Variants in BBS9 observed in about 807,000 individuals in gnomAD.
The protein encoded by BBS9 is Bardet-Biedl syndrome 9.
A neutral mutation model predicts 117.7 loss-of-function variants in BBS9; 89 were observed. That is an observed-to-expected ratio of 0.76 (90% CI 0.64 to 0.90). The LOEUF (loss-of-function observed/expected upper bound fraction) is 0.90. Among genes scored for constraint, BBS9 ranks in the 40% least tolerant of loss-of-function variants. The pLI, the probability that BBS9 is intolerant of heterozygous loss-of-function variation, is 0.00. For synonymous variants in BBS9, 379 were observed against 370.9 expected (o/e 1.02, Z -0.25); for missense variants, 982 against 1,042.2 (o/e 0.94, Z 0.80).
chr7:33,173,812 A>G (rs528352606), intron 4 of BBS9, among the ~76,000 whole-genome samples: 2 of 152,172 alleles, frequency 1.3e-5, no homozygotes, highest in Non-Finnish European at 2.9e-5. Context: ...TCAGTTCTTC[A>G]GAAACTAAGG....
chr7:33,403,628 C>T (rs1300204357), intron 19 of BBS9, among the ~76,000 whole-genome samples: 1 of 151,708 alleles, frequency 6.6e-6, no homozygotes, highest in East Asian at 1.9e-4. Flanking sequence ...ATCCATGTCC[C>T]TACAAAGGAC....
chr7:33,445,108 C>T (rs951749377), intron 19 of BBS9, among the ~76,000 whole-genome samples: 3 of 152,104 alleles, frequency 2.0e-5, no homozygotes, highest in African/African-American at 7.2e-5. Flanking sequence ...TAAGTTACAT[C>T]CCTAGGTCAC....
chr7:33,403,934 A>G (rs1322345053), intron 19 of BBS9, among the ~76,000 whole-genome samples: 20 of 152,158 alleles, frequency 1.3e-4, no homozygotes. Flanking sequence ...TCCCACCAAC[A>G]GTGTAAAAGT....
intron 21 of BBS9, among the ~76,000 whole-genome samples, chr7:33,547,752 A>G (rs1180797989): frequency 1.3e-5 from 2 of 152,226 alleles, no homozygotes; most frequent in Non-Finnish European, 2.9e-5. Context: ...TTTCACTTTC[A>G]TAGTTCTTTT....
At chr7:33,154,881 G>A (rs1304830920) in intron 3 of BBS9, among the ~76,000 whole-genome samples, 4 of 152,176 alleles carry the variant, frequency 2.6e-5, no homozygotes, top group African/African-American at 9.7e-5. Flanking sequence ...TGGGGCTCTG[G>A]CCCCAAGCCC....
rs572858157 is a variant in BBS9, at chr7:33,415,524, C to A, written c.2115+27380C>A. ...AAAGCCTAACCACACTATAAATTCA[C>A]AGTAAAACAGTAAGACACCATTTCA... is the stretch of plus-strand genomic sequence containing the variant. On this transcript the variant is annotated intron_variant, in intron 19 of 22. Coordinates refer to ENST00000242067, the MANE Select transcript of BBS9 (RefSeq NM_198428.3). 2.3e-4 allele frequency among the ~76,000 whole-genome samples: 35 copies of A among 152,250 alleles called. No individual in the cohort carries two copies. The South Asian group carries it at 6.8e-3, about 30-fold the overall frequency.
At position 33,294,359 on chromosome 7, in the gene BBS9, GTCCATCCATCCATCCATCCA is replaced by G. The variant is rs111245225; in HGVS notation, c.1016+20428_1016+20447del. Among the ~76,000 whole-genome samples the G allele has an allele frequency of 2.3e-3, 322 of 139,806 alleles. 1 individual carries two copies. Among genetic ancestry groups the G allele is most frequent in the Non-Finnish European group, 4.0e-3 (255 of 64,372 alleles). The allele number at this position is 139,806 out of a possible 152,430, so 91.7% of individuals were successfully genotyped here. A position where few individuals can be genotyped will look rare whatever the true frequency, so the allele number is the denominator to read the frequency against. On this transcript the variant is annotated intron_variant, in intron 9 of 22. Coordinates refer to ENST00000242067, the MANE Select transcript of BBS9 (RefSeq NM_198428.3). ...TATCTATCTATCTATCTATCTCTTT[GTCCATCCATCCATCCATCCA>G]TCCATCCATCCATCCATCCATCCAC... is the stretch of plus-strand genomic sequence containing the variant.
intron 21 of BBS9, among the ~76,000 whole-genome samples, chr7:33,584,240 T>C (rs1438968293): frequency 6.6e-6 from 1 of 152,002 alleles, no homozygotes; most frequent in Non-Finnish European, 1.5e-5. Context: ...TATTTTATAT[T>C]TTTGGAATTT....
chr7:33,403,855 G>C (rs1829410700), intron 19 of BBS9, among the ~76,000 whole-genome samples: 1 of 152,162 alleles, frequency 6.6e-6, no homozygotes, highest in Non-Finnish European at 1.5e-5. Flanking sequence ...TGGGTCAAAT[G>C]GTATTTCTAG....
chr7:33,386,711 G>C (rs977255741), intron 18 of BBS9, among the ~76,000 whole-genome samples: 11 of 151,836 alleles, frequency 7.2e-5, no homozygotes, highest in African/African-American at 2.7e-4. Flanking sequence ...AGCCAGGATG[G>C]TCTCGATCTC....
intron 7 of BBS9, among the ~76,000 whole-genome samples, chr7:33,265,908 T>A (rs570120940): frequency 6.6e-6 from 1 of 151,940 alleles, no homozygotes; most frequent in African/African-American, 2.4e-5. Flanking sequence ...TTGTATATAA[T>A]AAATATATAA....
intron 6 of BBS9, among the ~76,000 whole-genome samples, chr7:33,258,045 C>T (rs926856770): frequency 6.6e-5 from 10 of 152,156 alleles, no homozygotes; most frequent in Admixed American, 3.3e-4. Flanking sequence ...CTGTTTTCTT[C>T]TCCACCAGCT....
intron 5 of BBS9, among the ~76,000 whole-genome samples, chr7:33,195,532 T>C (rs1423574666): frequency 6.6e-6 from 1 of 152,146 alleles, no homozygotes; most frequent in East Asian, 1.9e-4. Context: ...ATGTAAGTTA[T>C]CTAGTAGAAA....
intron 9 of BBS9, among the ~76,000 whole-genome samples, chr7:33,322,611 T>A (rs954293674): frequency 1.3e-5 from 2 of 151,984 alleles, no homozygotes; most frequent in Non-Finnish European, 2.9e-5. Context: ...CTGATTTTAC[T>A]TATTTGGGCC....
intron 21 of BBS9, among the ~76,000 whole-genome samples, chr7:33,571,107 T>C (rs1857704917): frequency 6.6e-6 from 1 of 152,176 alleles, no homozygotes; most frequent in African/African-American, 2.4e-5. Context: ...TAAGATGTTA[T>C]ATAGGTGAGG....
intron 5 of BBS9, among the ~76,000 whole-genome samples, chr7:33,233,598 G>A (rs561793975): frequency 1.2e-4 from 19 of 152,090 alleles, no homozygotes; most frequent in South Asian, 2.1e-4. Flanking sequence ...TACTGGTATC[G>A]TATAACTGGC....
At chr7:33,489,021 C>G (rs2128990507) in intron 19 of BBS9, among the ~76,000 whole-genome samples, 1 of 117,322 alleles carries the variant, frequency 8.5e-6, no homozygotes, top group East Asian at 2.6e-4. Flanking sequence ...GAGATGAAGT[C>G]TCACTCTGTC....
intron 21 of BBS9, among the ~76,000 whole-genome samples, chr7:33,604,470 C>A (rs1178378737): frequency 6.6e-6 from 1 of 152,030 alleles, no homozygotes; most frequent in Non-Finnish European, 1.5e-5. Context: ...AGGCTTCTTT[C>A]CCTCATGGTT....
At chr7:33,212,651 T>C (rs1788234023) in intron 5 of BBS9, among the ~76,000 whole-genome samples, 1 of 152,142 alleles carries the variant, frequency 6.6e-6, no homozygotes, top group African/African-American at 2.4e-5. Flanking sequence ...TAGGTATTTA[T>C]TGTAGTCTTT....
Sources: allele counts gnomAD v4.1 joint callset (sites outside exome capture counted in the v4.1 genomes callset), GRCh38; gene constraint gnomAD v4.1.1; transcripts MANE v1.5; gene names NCBI Gene and HGNC (gene_info 2026-07-23, HGNC 2026-07-21).